Variants in FRMPD4 observed in about 807,000 individuals in gnomAD.
FRMPD4 encodes the protein FERM and PDZ domain-containing protein 4.
FRMPD4 carries 22 observed loss-of-function variants against 94.1 expected under a neutral mutation model. The ratio of observed to expected loss-of-function variants is 0.23; its 90% confidence interval spans 0.17 to 0.33. The LOEUF (loss-of-function observed/expected upper bound fraction) is 0.33. Among genes scored for constraint, FRMPD4 ranks in the 10% least tolerant of loss-of-function variants. The probability of loss-of-function intolerance (pLI) is 1.00; values close to 1 mark genes in which losing one functional copy is unlikely to be tolerated. For synonymous variants in FRMPD4, 631 were observed against 548.6 expected (o/e 1.15, Z -2.10); for missense variants, 1,111 against 1,339.9 (o/e 0.83, Z 2.67).
intron 2 of FRMPD4, among the ~76,000 whole-genome samples, chrX:11,865,271 G>A (rs1294417686): frequency 8.9e-6 from 1 of 111,849 alleles, no homozygotes. Context: ...AATAGAAAGT[G>A]GCCAAGACAA....
At chrX:12,424,521 T>C (rs2056923732) in intron 1 of FRMPD4, among the ~76,000 whole-genome samples, 1 of 112,668 alleles carries the variant, frequency 8.9e-6, no homozygotes, top group Admixed American at 9.4e-5. Context: ...TATCAAACTT[T>C]AATGAGCATA....
intron 1 of FRMPD4, among the ~76,000 whole-genome samples, chrX:12,142,656 C>G (rs757252549): frequency 1.8e-5 from 2 of 112,049 alleles, no homozygotes; most frequent in Non-Finnish European, 3.8e-5. Context: ...CATAACAGAA[C>G]TAGATTCCTG....
At chrX:11,993,678 T>C (rs2054478969) in intron 3 of FRMPD4, among the ~76,000 whole-genome samples, 1 of 112,680 alleles carries the variant, frequency 8.9e-6, no homozygotes, top group African/African-American at 3.2e-5. Flanking sequence ...GATCTGACAC[T>C]AGCATTTTTG....
At chrX:11,950,945 G>T (rs2054218880) in intron 3 of FRMPD4, among the ~76,000 whole-genome samples, 1 of 107,720 alleles carries the variant, frequency 9.3e-6, no homozygotes, top group African/African-American at 3.4e-5. Context: ...TATAATCCCA[G>T]CTACTCAGGA....
intron 1 of FRMPD4, among the ~76,000 whole-genome samples, chrX:12,274,093 A>G (rs2054395008): frequency 9.1e-6 from 1 of 110,080 alleles, no homozygotes; most frequent in Non-Finnish European, 1.9e-5. Flanking sequence ...TGGAGTCAAC[A>G]CATTCCTATG....
intron 8 of FRMPD4, among the ~76,000 whole-genome samples, chrX:12,690,628 C>T (rs1432730767): frequency 8.9e-6 from 1 of 112,218 alleles, no homozygotes; most frequent in African/African-American, 3.2e-5. Context: ...ATCTGTTCAC[C>T]TGTTTTGGTC....
At chrX:12,053,366 GA>G (rs1401377265) in intron 3 of FRMPD4, among the ~76,000 whole-genome samples, 7 of 34,233 alleles carry the variant, frequency 2.0e-4, no homozygotes, top group African/African-American at 4.6e-4. Context: ...AAAGAAGAAA[GA>G]AAGAAAGAAA....
intron 1 of FRMPD4, among the ~76,000 whole-genome samples, chrX:11,833,672 A>G (rs1053384614): frequency 3.6e-5 from 4 of 111,627 alleles, no homozygotes; most frequent in African/African-American, 1.3e-4. Context: ...GGACACAGAC[A>G]AGGTTCGGTG....
intron 3 of FRMPD4, among the ~76,000 whole-genome samples, chrX:11,928,130 G>A (rs147629435): frequency 1.3e-3 from 148 of 112,360 alleles, no homozygotes; most frequent in African/African-American, 4.6e-3. Flanking sequence ...CATATGTGTG[G>A]CAAACAATCA....
rs199808235 is a variant in FRMPD4, at chrX:12,560,477, GAA to G, written c.159-49224_159-49223del. 8.7e-3 allele frequency among the ~76,000 whole-genome samples: 720 copies of G among 82,785 alleles called. 7 individuals carry two copies. The highest frequency in any genetic ancestry group is 0.028 in the African/African-American group (679 of 24,046). The allele number at this position is 82,785 out of a possible 115,157, so 71.9% of individuals were successfully genotyped here. ...AGTAATGCATTCTTTCTTTAAAAAT[GAA>G]AAAAAAAAAAAAAAAAAAACCCAGC... On this transcript the variant is annotated intron_variant, in intron 2 of 16. Transcript: ENST00000675598.
chrX:12,254,655 C>T (rs2054090202), intron 1 of FRMPD4, among the ~76,000 whole-genome samples: 1 of 112,116 alleles, frequency 8.9e-6, no homozygotes, highest in Non-Finnish European at 1.9e-5. Flanking sequence ...TACATTGTCA[C>T]AAGTGTAGAA....
chrX:12,295,426 A>G (rs1601789656), intron 1 of FRMPD4, among the ~76,000 whole-genome samples: 2 of 112,538 alleles, frequency 1.8e-5, no homozygotes, highest in South Asian at 7.4e-4. Flanking sequence ...TGCCTTCTAG[A>G]AAGAGCTGTT....
rs747284722 is a variant in FRMPD4, at chrX:12,718,224, C to G, written c.3398C>G (p.Ala1133Gly). The G allele has an allele frequency of 8.3e-6, 10 of 1,211,232 alleles. No homozygotes were observed. Among genetic ancestry groups the G allele is most frequent in the Non-Finnish European group, 1.1e-5 (10 of 894,862 alleles). ...AREAEGKEEGAPDGETSDGSG... is the reference protein window; with the variant it reads ...AREAEGKEEGGPDGETSDGSG... ...GAGGCCGAAGGGAAGGAAGAAGGAGCTCCTGATGGAGAAACCAGTGATGGC... is the reference window on the plus strand; with the variant it reads ...GAGGCCGAAGGGAAGGAAGAAGGAGGTCCTGATGGAGAAACCAGTGATGGC... The change falls in exon 16 of 17, where the codon GCT (alanine) becomes GGT (glycine). Residue 1133 changes from alanine to glycine, a missense_variant. Around this residue, in one of 8 missense-constraint regions of FRMPD4, gnomAD observed 551 missense variants for 591.6 expected, o/e 0.93. Transcript: ENST00000675598.
Position 12,717,978 on chromosome X carries a change from G to A in FRMPD4, c.3152G>A (p.Gly1051Glu). The A allele has an allele frequency of 2.5e-6, 3 of 1,211,612 alleles. No individual in the cohort carries two copies. The highest frequency in any genetic ancestry group is 3.4e-6 in the Non-Finnish European group (3 of 895,228). The part of the protein sequence containing the change: ...NGNTTGKKQQ[G>E]TKTAEMEEEA... ...AACACAACAGGAAAAAAACAGCAGGGGACCAAAACGGCAGAGATGGAGGAG... is the reference window on the plus strand; with the variant it reads ...AACACAACAGGAAAAAAACAGCAGGAGACCAAAACGGCAGAGATGGAGGAG... Residue 1051 changes from glycine (G) to glutamate (E), a missense_variant, in exon 16 of 17, where the codon GGG becomes GAG. By Grantham distance (98) the Gly-to-Glu change is moderately conservative (BLOSUM62 -2). Transcript: ENST00000675598.
intron 1 of FRMPD4, among the ~76,000 whole-genome samples, chrX:12,327,857 G>A (rs2055312679): frequency 9.0e-6 from 1 of 110,539 alleles, no homozygotes; most frequent in South Asian, 3.8e-4. Context: ...GTGCCTTTGT[G>A]AGGATTATAG....
At chrX:12,180,597 G>A (rs752832426) in intron 1 of FRMPD4, among the ~76,000 whole-genome samples, 2 of 112,505 alleles carry the variant, frequency 1.8e-5, no homozygotes, top group East Asian at 2.8e-4. Context: ...CTGGAATAAA[G>A]AGCCTGTCTA....
chrX:12,109,231 C>A (rs1350732332), intron 3 of FRMPD4, among the ~76,000 whole-genome samples: 1 of 112,166 alleles, frequency 8.9e-6, no homozygotes, highest in African/African-American at 3.2e-5. Flanking sequence ...GCCTCTCAGA[C>A]AACAGTGCAA....
intron 1 of FRMPD4, among the ~76,000 whole-genome samples, chrX:12,263,862 C>T (rs772046443): frequency 3.6e-5 from 4 of 111,459 alleles, no homozygotes; most frequent in Non-Finnish European, 5.7e-5. Context: ...CTGCCAAGTG[C>T]TTCTTGCTAT....
At chrX:12,558,881 A>G (rs73192477) in intron 2 of FRMPD4, among the ~76,000 whole-genome samples, 12 of 112,326 alleles carry the variant, frequency 1.1e-4, no homozygotes, top group Non-Finnish European at 1.9e-4. Flanking sequence ...ACTGCACTCC[A>G]GCCTGGGCAA....
Sources: allele counts gnomAD v4.1 joint callset (sites outside exome capture counted in the v4.1 genomes callset), GRCh38; gene constraint gnomAD v4.1.1; regional missense constraint gnomAD v4.1.1; transcripts MANE v1.5; gene names NCBI Gene and HGNC (gene_info 2026-07-23, HGNC 2026-07-21).